ERICH5: variants seen among roughly 807,000 people sequenced by gnomAD.
ERICH5 encodes the protein glutamate rich 5.
ERICH5 carries 24 observed loss-of-function variants against 28.0 expected under a neutral mutation model. The ratio of observed to expected loss-of-function variants is 0.86; its 90% CI spans 0.62 to 1.21. ERICH5 has a LOEUF of 1.21. Ranked by LOEUF, ERICH5 falls within the 50% of genes most tolerant of loss-of-function variation. The pLI is 0.00. For synonymous variants in ERICH5, 163 were observed against 157.6 expected (o/e 1.03, Z -0.25); for missense variants, 421 against 441.2 (o/e 0.95, Z 0.41).
chr8:98,087,528 A>T (rs988826612), intron 1 of ERICH5, among the ~76,000 whole-genome samples: 5 of 152,120 alleles, frequency 3.3e-5, no homozygotes, highest in Admixed American at 6.5e-5. Flanking sequence ...GAAGAAAAAG[A>T]TCCCCTAGAG....
In ERICH5 at chr8:98,073,403, C is replaced by CCTCTCTCTCTCTCT. The variant is rs372150799; in HGVS notation, c.58+8693_58+8706dup. 4.1e-4 allele frequency among the ~76,000 whole-genome samples: 11 copies of CCTCTCTCTCTCTCT among 26,842 alleles called. 3 individuals carry two copies. The highest frequency in any genetic ancestry group is 1.5e-3 in the Admixed American group (3 of 1,996). 17.6% of individuals were successfully genotyped at this position (26,842 alleles called of 152,430 possible). The stretch of plus-strand genomic sequence containing the variant: ...ACCAGCCTAACCAACATAGTGAGAC[C>CCTCTCTCTCTCTCT]CTCTCTCTCTCTCTCTCTCTCTCTC... On this transcript the variant is annotated intron_variant, in intron 1 of 2. Coordinates refer to ENST00000318528, the MANE Select transcript of ERICH5 (RefSeq NM_173549.3).
At chr8:98,075,785 CTTTT>C (rs1296283210) in intron 1 of ERICH5, among the ~76,000 whole-genome samples, 1 of 81,646 alleles carries the variant, frequency 1.2e-5, no homozygotes, top group Non-Finnish European at 2.3e-5. Flanking sequence ...GCACACCTGC[CTTTT>C]TTTTTTTTTT....
rs58330802 is a variant in ERICH5 at position 98,076,390 on chromosome 8, CT to C, written c.58+11679del. On this transcript the variant is annotated intron_variant, in intron 1 of 2. Transcript: ENST00000318528. The stretch of plus-strand genomic sequence containing the variant: ...AATTTCAGAAGAGAAATTAGAAGGC[CT>C]TTTTTTTTTTTTTTTCCTCGTGATC... Among the ~76,000 whole-genome samples, 439 of 143,172 alleles carry C rather than the reference CT, an allele frequency of 3.1e-3. 3 individuals carry two copies. The highest frequency in any genetic ancestry group is 7.9e-3 in the African/African-American group (304 of 38,486). 93.9% of individuals were successfully genotyped at this position (143,172 alleles called of 152,430 possible). A position where few individuals can be genotyped will look rare whatever the true frequency, so the allele number is the denominator to read the frequency against.
intron 1 of ERICH5, among the ~76,000 whole-genome samples, chr8:98,068,867 T>C (rs1355170584): frequency 1.3e-5 from 2 of 152,246 alleles, no homozygotes; most frequent in African/African-American, 4.8e-5. Context: ...CATTTGTTTG[T>C]TCTAACCTGA....
intron 1 of ERICH5, among the ~76,000 whole-genome samples, chr8:98,071,829 G>T (rs968073546): frequency 6.6e-6 from 1 of 151,926 alleles, no homozygotes; most frequent in Admixed American, 6.6e-5. Flanking sequence ...TATAATCAAG[G>T]GTGTCTGAGC....
rs1340040177 is a variant in ERICH5 at position 98,093,465 on chromosome 8, G to C, written c.*132G>C. The C allele has an allele frequency of 1.1e-5, 6 of 541,088 alleles. No homozygotes were observed. The highest frequency in any genetic ancestry group is 1.9e-5 in the Non-Finnish European group (6 of 309,934). 33.5% of individuals were successfully genotyped at this position (541,088 alleles called of 1,614,324 possible). ...GAGTGTGGTTATAGAGAGACTGTTG[G>C]AACCATGAGAAGGATGTTTCTGTGT... On this transcript the variant is annotated 3_prime_UTR_variant, in exon 3 of 3. Coordinates refer to ENST00000318528, the MANE Select transcript of ERICH5 (RefSeq NM_173549.3).
Position 98,089,443 on chromosome 8 carries a change from T to G in ERICH5, c.426T>G (p.Ser142=). The change falls in exon 2 of 3, where the codon TCT becomes TCG. Residue 142 remains serine, a synonymous_variant. Coordinates refer to ENST00000318528, the MANE Select transcript of ERICH5 (RefSeq NM_173549.3). Reference sequence around the variant, plus strand: ...CAGGAGCAGGGACAGAGGCCGAGTCTCTAAAAGGAAATGCTGAAGCTCAGC... The same window carrying G: ...CAGGAGCAGGGACAGAGGCCGAGTCGCTAAAAGGAAATGCTGAAGCTCAGC... The part of the protein sequence containing the change: ...KDAGAGTEAE[S]LKGNAEAQPL... 6.2e-7 allele frequency: 1 copy of G among 1,614,168 alleles called. No individual in the cohort carries two copies. Among genetic ancestry groups the G allele is most frequent in the Non-Finnish European group, 8.5e-7 (1 of 1,180,038 alleles).
At chr8:98,076,050 A>G (rs1010999042) in intron 1 of ERICH5, among the ~76,000 whole-genome samples, 3 of 140,202 alleles carry the variant, frequency 2.1e-5, no homozygotes, top group African/African-American at 8.2e-5. Context: ...AAGCAGAGCA[A>G]GCATTTACGC....
Position 98,089,485 on chromosome 8 carries a change from C to T in ERICH5, c.468C>T (p.Ala156=), listed in dbSNP as rs778840856. The T allele has an allele frequency of 1.6e-5, 26 of 1,614,052 alleles. No individual in the cohort carries two copies. The Admixed American group carries it at 4.3e-4, about 27-fold the overall frequency. The change falls in exon 2 of 3, where the codon GCC becomes GCT. Residue 156 remains alanine, a synonymous_variant. Transcript: ENST00000318528. The part of the protein sequence containing the change: ...NAEAQPLGPE[A]KGQPLQAAVE... ...AAGCTCAGCCTTTAGGACCAGAAGC[C>T]AAGGGTCAGCCTTTGCAGGCAGCAG...
intron 1 of ERICH5, among the ~76,000 whole-genome samples, chr8:98,084,381 ATT>A (rs978569781): frequency 3.3e-5 from 5 of 151,724 alleles, no homozygotes; most frequent in Admixed American, 3.3e-4. Flanking sequence ...CAGCGGGAGT[ATT>A]TTGTTTGTTT....
intron 1 of ERICH5, among the ~76,000 whole-genome samples, chr8:98,080,421 T>C (rs1229234759): frequency 6.6e-6 from 1 of 152,186 alleles, no homozygotes; most frequent in Non-Finnish European, 1.5e-5. Context: ...CATTAAAAAA[T>C]GAACTTCCTT....
intron 1 of ERICH5, among the ~76,000 whole-genome samples, chr8:98,087,942 T>G (rs968809931): frequency 8.6e-5 from 13 of 151,834 alleles, no homozygotes; most frequent in South Asian, 2.1e-4. Context: ...CAATGTGGGG[T>G]GGGTGTGGTG....
At chr8:98,085,309 C>T (rs1310438904) in intron 1 of ERICH5, among the ~76,000 whole-genome samples, 2 of 151,722 alleles carry the variant, frequency 1.3e-5, no homozygotes, top group African/African-American at 2.4e-5. Flanking sequence ...TGCAGGCGCC[C>T]GCCACCACGC....
In ERICH5 at chr8:98,093,408, T is replaced by C; in HGVS notation, c.*75T>C. ...GTAGTGAAGCTTGTGGTTATGTATC[T>C]TATCTTTCTACATTTACATGTTTTC... is the stretch of plus-strand genomic sequence containing the variant. On this transcript the variant is annotated 3_prime_UTR_variant, in exon 3 of 3. Coordinates refer to ENST00000318528, the MANE Select transcript of ERICH5 (RefSeq NM_173549.3). The C allele has an allele frequency of 1.1e-6, 1 of 946,912 alleles. No individual in the cohort carries two copies. Among genetic ancestry groups the C allele is most frequent in the Non-Finnish European group, 1.6e-6 (1 of 614,100 alleles). 58.7% of individuals were successfully genotyped at this position (946,912 alleles called of 1,614,324 possible).
chr8:98,076,268 G>T (rs1259222469), intron 1 of ERICH5, among the ~76,000 whole-genome samples: 2 of 151,630 alleles, frequency 1.3e-5, no homozygotes, highest in African/African-American at 2.4e-5. Context: ...TGGCCAGGCT[G>T]GTCTCGAACT....
At chr8:98,076,133 A>G (rs1004226828) in intron 1 of ERICH5, among the ~76,000 whole-genome samples, 1 of 152,104 alleles carries the variant, frequency 6.6e-6, no homozygotes, top group African/African-American at 2.4e-5. Flanking sequence ...AGCTCACTGC[A>G]GCTTCTGCCT....
chr8:98,073,527 TATATATATATATATATATA>T (rs1814987548), intron 1 of ERICH5, among the ~76,000 whole-genome samples: 1 of 23,618 alleles, frequency 4.2e-5, no homozygotes, highest in African/African-American at 1.9e-4. Flanking sequence ...TATATATATA[TATATATATATATATATATA>T]ATTTTTTTTT....
At chr8:98,091,259 C>T (rs1013923567) in intron 2 of ERICH5, among the ~76,000 whole-genome samples, 5 of 152,152 alleles carry the variant, frequency 3.3e-5, no homozygotes, top group African/African-American at 9.7e-5. Flanking sequence ...ATTAACTCAG[C>T]ATTTTTTGGC....
At chr8:98,091,409 ATG>A (rs1815379805) in intron 2 of ERICH5, among the ~76,000 whole-genome samples, 1 of 152,184 alleles carries the variant, frequency 6.6e-6, no homozygotes, top group South Asian at 2.1e-4. Context: ...TTTCCTAAGA[ATG>A]TGTAAGAAGG....
Sources: gnomAD v4.1 joint callset for allele counts (sites outside exome capture counted in the v4.1 genomes callset) on GRCh38, gnomAD v4.1.1 for gene constraint, MANE v1.5 for transcripts, NCBI Gene and HGNC (gene_info 2026-07-23, HGNC 2026-07-21) for gene names.